PID1: variants seen among roughly 807,000 people sequenced by gnomAD.
PID1 encodes the protein PTB-containing, cubilin and LRP1-interacting protein.
In PID1, 10 loss-of-function variants were observed where a neutral mutation model predicts 19.1. The ratio of observed to expected loss-of-function variants is 0.52; its 90% CI spans 0.32 to 0.89. PID1 has a LOEUF of 0.89. Among genes scored for constraint, PID1 ranks in the 40% least tolerant of loss-of-function variants. PID1 has a pLI of 0.03. For synonymous variants in PID1, 130 were observed against 116.0 expected (o/e 1.12, Z -0.78); for missense variants, 248 against 285.3 (o/e 0.87, Z 0.94).
chr2:229,190,919 A>C (rs1559278078), intron 1 of PID1, among the ~76,000 whole-genome samples: 1 of 152,160 alleles, frequency 6.6e-6, no homozygotes, highest in African/African-American at 2.4e-5. Context: ...ATAACCGATT[A>C]TTTTTCTTAT....
intron 2 of PID1, among the ~76,000 whole-genome samples, chr2:229,029,696 C>T (rs1234776361): frequency 6.6e-6 from 1 of 151,836 alleles, no homozygotes; most frequent in Non-Finnish European, 1.5e-5. Flanking sequence ...AGAAATTAGC[C>T]AGGCATGATG....
At position 229,025,941 on chromosome 2, in the gene PID1, G is replaced by T; in HGVS notation, c.345C>A (p.Leu115=). 1 of 1,614,160 alleles carries T rather than the reference G, an allele frequency of 6.2e-7. No individual in the cohort carries two copies. The highest frequency in any genetic ancestry group is 1.3e-5 in the African/African-American group (1 of 75,060). ...GCACTGTGGCCTCCCCTTTGTGGTC[G>T]AGATGATGGAGCCAAACTTGGAATG... The part of the protein sequence containing the change: ...IRPFQVWLHH[L]DHKGEATVHM... The change falls in exon 3 of 3, where the codon CTC becomes CTA. Residue 115 remains leucine (L), a synonymous_variant. Coordinates refer to ENST00000392055, the MANE Select transcript of PID1 (RefSeq NM_001100818.2).
At chr2:229,254,269 T>C (rs1376800673) in intron 1 of PID1, among the ~76,000 whole-genome samples, 1 of 152,110 alleles carries the variant, frequency 6.6e-6, no homozygotes, top group African/African-American at 2.4e-5. Context: ...GAAATGAAGC[T>C]GAACAAAAAA....
At chr2:229,035,894 C>CA (rs1693653590) in intron 2 of PID1, among the ~76,000 whole-genome samples, 1 of 152,112 alleles carries the variant, frequency 6.6e-6, no homozygotes, top group Admixed American at 6.5e-5. Context: ...TGTCCTTAAC[C>CA]AGAGATGTGT....
chr2:229,154,176 A>C (rs963154636), intron 2 of PID1, among the ~76,000 whole-genome samples: 1 of 152,146 alleles, frequency 6.6e-6, no homozygotes, highest in Non-Finnish European at 1.5e-5. Flanking sequence ...TGAGTCACAT[A>C]GCTCACTTGC....
chr2:229,203,500 T>G (rs758564110), intron 1 of PID1, among the ~76,000 whole-genome samples: 2 of 151,982 alleles, frequency 1.3e-5, no homozygotes, highest in Non-Finnish European at 2.9e-5. Context: ...TCACTTAAAG[T>G]CACAGTTTCC....
chr2:229,098,650 C>A (rs532096515), intron 2 of PID1, among the ~76,000 whole-genome samples: 38 of 152,186 alleles, frequency 2.5e-4, no homozygotes, highest in African/African-American at 8.7e-4. Context: ...GAGTGCTGTT[C>A]CTTTCTCAAC....
chr2:229,034,825 A>C (rs1052052132), intron 2 of PID1, among the ~76,000 whole-genome samples: 1 of 152,152 alleles, frequency 6.6e-6, no homozygotes, highest in African/African-American at 2.4e-5. Context: ...TTGGGCAAAT[A>C]AAATTGCTCA....
chr2:229,040,024 AG>A (rs1433185143), intron 2 of PID1, among the ~76,000 whole-genome samples: 1 of 152,120 alleles, frequency 6.6e-6, no homozygotes, highest in Non-Finnish European at 1.5e-5. Context: ...AATACATTAC[AG>A]TAAATCCATC....
chr2:229,220,672 T>C (rs1444841941), intron 1 of PID1, among the ~76,000 whole-genome samples: 2 of 152,184 alleles, frequency 1.3e-5, no homozygotes, highest in Non-Finnish European at 2.9e-5. Context: ...CTATTAGCAT[T>C]GAACTTCTGT....
intron 2 of PID1, among the ~76,000 whole-genome samples, chr2:229,066,568 CCTT>C (rs1694331287): frequency 6.6e-6 from 1 of 152,010 alleles, no homozygotes; most frequent in Non-Finnish European, 1.5e-5. Context: ...CACCGTGACT[CCTT>C]CATTATGCTG....
intron 2 of PID1, among the ~76,000 whole-genome samples, chr2:229,085,119 C>A (rs2191837): frequency 8.6e-5 from 13 of 151,144 alleles, no homozygotes; most frequent in Non-Finnish European, 1.8e-4. Context: ...TAAACTATGA[C>A]AATTGCAACT....
At chr2:229,261,221 C>G (rs1419449211) in intron 1 of PID1, among the ~76,000 whole-genome samples, 1 of 152,194 alleles carries the variant, frequency 6.6e-6, no homozygotes, top group Non-Finnish European at 1.5e-5. Flanking sequence ...CATCTGATTT[C>G]AGACTTCCAG....
Position 229,151,284 on chromosome 2 carries a change from T to TG in PID1, c.177+4533dup, listed in dbSNP as rs1319660593. On this transcript the variant is annotated intron_variant, in intron 2 of 2. Coordinates refer to ENST00000392055, the MANE Select transcript of PID1 (RefSeq NM_001100818.2). ...CCCACCCAATGGCAGTGGAATCCGG[T>TG]GGGGGGGAGCACAGGCTGTGGAGTC... Among the ~76,000 whole-genome samples, 40 of 151,844 alleles carry TG rather than the reference T, an allele frequency of 2.6e-4. 2 individuals carry two copies. Among genetic ancestry groups the TG allele is most frequent in the East Asian group, 7.8e-4 (4 of 5,158 alleles).
intron 1 of PID1, among the ~76,000 whole-genome samples, chr2:229,178,464 T>G (rs1239831762): frequency 6.6e-6 from 1 of 152,212 alleles, no homozygotes; most frequent in Admixed American, 6.5e-5. Flanking sequence ...TTAGTTTTTT[T>G]TAAGAAAAAG....
At chr2:229,087,366 T>C (rs565361871) in intron 2 of PID1, among the ~76,000 whole-genome samples, 5 of 152,218 alleles carry the variant, frequency 3.3e-5, no homozygotes, top group African/African-American at 9.6e-5. Flanking sequence ...TCCAGTGACA[T>C]GTAGTTCAAA....
chr2:229,168,538 C>T (rs1460376986), intron 1 of PID1, among the ~76,000 whole-genome samples: 3 of 152,114 alleles, frequency 2.0e-5, no homozygotes, highest in Admixed American at 6.6e-5. Context: ...TTACATCTGA[C>T]TGTTTCTTAC....
At chr2:229,208,102 T>G (rs561262648) in intron 1 of PID1, among the ~76,000 whole-genome samples, 1 of 152,314 alleles carries the variant, frequency 6.6e-6, no homozygotes, top group East Asian at 1.9e-4. Flanking sequence ...TTCCCAGGCC[T>G]CTGGGTTGTA....
At chr2:229,060,792 C>CT (rs1358381779) in intron 2 of PID1, among the ~76,000 whole-genome samples, 1 of 151,916 alleles carries the variant, frequency 6.6e-6, no homozygotes, top group Non-Finnish European at 1.5e-5. Context: ...TACCATCTGT[C>CT]TTTTTTTAAA....
Sources: gnomAD v4.1 joint callset for allele counts (sites outside exome capture counted in the v4.1 genomes callset) on GRCh38, gnomAD v4.1.1 for gene constraint, MANE v1.5 for transcripts, NCBI Gene and HGNC (gene_info 2026-07-23, HGNC 2026-07-21) for gene names.